The following MOB1B variants were observed in gnomAD, a reference collection of about 807,000 sequenced individuals.
MOB1B encodes MOB kinase activator 1B, also known as MOB1 Mps One Binder homolog B.
In MOB1B, 19 loss-of-function variants were observed where a neutral mutation model predicts 24.4. The observed-to-expected ratio is 0.78, with a 90% CI of 0.54 to 1.14. MOB1B has a LOEUF of 1.14. Among genes scored for constraint, MOB1B ranks in the 50% most tolerant of loss-of-function variants. The pLI is 0.00. For synonymous variants in MOB1B, 76 were observed against 82.1 expected (o/e 0.93, Z 0.40); for missense variants, 243 against 259.6 (o/e 0.94, Z 0.44).
chr4:70,945,307 G>C (rs942028439), intron 1 of MOB1B, among the ~76,000 whole-genome samples: 4 of 152,192 alleles, frequency 2.6e-5, no homozygotes, highest in Non-Finnish European at 5.9e-5. Flanking sequence ...CAGAACAGAA[G>C]TCTTTAACCA....
chr4:70,970,172 G>T, intron 3 of MOB1B, 148 bp downstream of exon 3: 2 of 562,628 alleles, frequency 3.6e-6, no homozygotes, highest in Non-Finnish European at 6.2e-6. Context: ...CTTAGCTTGG[G>T]GTTTGTGACT....
At chr4:70,964,869 G>A (rs112957490) in intron 2 of MOB1B, among the ~76,000 whole-genome samples, 1,631 of 151,660 alleles carry the variant, frequency 0.011, 28 homozygotes, top group African/African-American at 0.038. Context: ...AGCAGAGCTT[G>A]TAGTGAGCTG....
At position 70,958,995 on chromosome 4, in the gene MOB1B, A is replaced by G. The variant is rs762987346; in HGVS notation, c.136A>G (p.Met46Val). The G allele has an allele frequency of 1.4e-5, 22 of 1,614,166 alleles. No homozygotes were observed. In the South Asian group the frequency reaches 2.2e-4, roughly 16 times the overall value. The change falls in exon 2 of 6, where the codon ATG becomes GTG. Residue 46 changes from methionine (M) to valine (V), a missense_variant. Met to Val is a conservative substitution (Grantham distance 21). Transcript: ENST00000309395. The part of the protein sequence containing the change: ...LGSGNLRMAV[M>V]LPEGEDLNEW... ...CAGTGGCAACCTTCGGATGGCTGTC[A>G]TGCTTCCTGAAGGGGAAGATCTCAA...
intron 1 of MOB1B, among the ~76,000 whole-genome samples, chr4:70,930,532 G>A (rs775879236): frequency 6.6e-6 from 1 of 152,138 alleles, no homozygotes; most frequent in Non-Finnish European, 1.5e-5. Flanking sequence ...TGGCATGCTT[G>A]TTATTTTTGA....
At chr4:70,979,812 A>G (rs545950419) in intron 5 of MOB1B, among the ~76,000 whole-genome samples, 3 of 152,332 alleles carry the variant, frequency 2.0e-5, no homozygotes, top group Admixed American at 6.5e-5. Context: ...CCAGAGGGCC[A>G]TTAGTCTTTG....
At chr4:70,917,163 G>C (rs1736228050) in intron 1 of MOB1B, among the ~76,000 whole-genome samples, 1 of 152,086 alleles carries the variant, frequency 6.6e-6, no homozygotes, top group Non-Finnish European at 1.5e-5. Flanking sequence ...CCATGATATG[G>C]GTTAAGAGTA....
At chr4:70,942,997 T>A (rs868051254) in intron 1 of MOB1B, 1 of 170,266 alleles carries the variant, frequency 5.9e-6, no homozygotes, top group Non-Finnish European at 1.2e-5. Context: ...GCTAAGTTAT[T>A]TTTATTTTAT....
intron 1 of MOB1B, among the ~76,000 whole-genome samples, chr4:70,922,980 T>G (rs1302619599): frequency 2.0e-5 from 3 of 152,096 alleles, no homozygotes; most frequent in Non-Finnish European, 4.4e-5. Flanking sequence ...AACCAAAATT[T>G]TGGGTAAAGC....
At chr4:70,923,025 C>T (rs1015436274) in intron 1 of MOB1B, among the ~76,000 whole-genome samples, 30 of 152,278 alleles carry the variant, frequency 2.0e-4, no homozygotes, top group African/African-American at 6.7e-4. Flanking sequence ...AAAGGCCAAA[C>T]CTCCCCAGAC....
chr4:70,910,116 C>T (rs1319811804), intron 1 of MOB1B, among the ~76,000 whole-genome samples: 1 of 151,926 alleles, frequency 6.6e-6, no homozygotes, highest in African/African-American at 2.4e-5. Flanking sequence ...TCTTGGCTCA[C>T]TGCAAACTCT....
intron 2 of MOB1B, among the ~76,000 whole-genome samples, chr4:70,969,062 C>T (rs1299589894): frequency 6.6e-6 from 1 of 152,186 alleles, no homozygotes; most frequent in African/African-American, 2.4e-5. Flanking sequence ...CTGTAACTGC[C>T]TAGGTCTCTC....
At chr4:70,971,400 G>T (rs933130729) in intron 3 of MOB1B, among the ~76,000 whole-genome samples, 6 of 151,756 alleles carry the variant, frequency 4.0e-5, no homozygotes, top group African/African-American at 1.5e-4. Context: ...AGCCACTCAG[G>T]CAGGAGAATC....
chr4:70,970,121 G>A (rs1015071409), intron 3 of MOB1B, 97 bp downstream of exon 3: 8 of 681,120 alleles, frequency 1.2e-5, no homozygotes, highest in Admixed American at 2.9e-5. Flanking sequence ...TCTACTTATC[G>A]TCTCTTTCTG....
At chr4:70,978,838 C>T (rs1034333547) in intron 4 of MOB1B, among the ~76,000 whole-genome samples, 4 of 152,068 alleles carry the variant, frequency 2.6e-5, no homozygotes, top group Non-Finnish European at 4.4e-5. Flanking sequence ...AGCTCCACTA[C>T]CATCTTGGGT....
chr4:70,902,627 C>T, intron 1 of MOB1B, 77 bp downstream of exon 1: 2 of 1,416,234 alleles, frequency 1.4e-6, no homozygotes, highest in Non-Finnish European at 1.9e-6. Flanking sequence ...CCGCCCGTCG[C>T]CCGCCCTCGT....
intron 1 of MOB1B, among the ~76,000 whole-genome samples, chr4:70,957,215 G>A (rs759174301): frequency 2.2e-5 from 3 of 139,264 alleles, no homozygotes; most frequent in Non-Finnish European, 3.0e-5. Flanking sequence ...AGCTGAGATC[G>A]TGCCTCTGCA....
chr4:70,902,386 C>T lies in MOB1B; in HGVS notation c.-151C>T. ...CCCCTGCCATTGGAACTAGCTGAGC[C>T]GAACTAGTTGCGGCCACCGAGCAGC... On this transcript the variant is annotated 5_prime_UTR_variant, in exon 1 of 6. Transcript: ENST00000309395. The T allele has an allele frequency of 3.9e-6, 3 of 765,392 alleles. No individual in the cohort carries two copies. The allele number at this position is 765,392 out of a possible 1,614,324, so 47.4% of individuals were successfully genotyped here.
intron 1 of MOB1B, among the ~76,000 whole-genome samples, chr4:70,936,407 C>G (rs1184163878): frequency 6.6e-6 from 1 of 152,142 alleles, no homozygotes; most frequent in African/African-American, 2.4e-5. Flanking sequence ...GTAAAACTTT[C>G]AGCAAAACAC....
intron 3 of MOB1B, among the ~76,000 whole-genome samples, chr4:70,971,764 A>G (rs906256742): frequency 6.6e-6 from 1 of 152,190 alleles, no homozygotes; most frequent in African/African-American, 2.4e-5. Context: ...GAAATTAAAT[A>G]GCACTGCCTT....
Sources: gnomAD v4.1 joint callset for allele counts (sites outside exome capture counted in the v4.1 genomes callset) on GRCh38, gnomAD v4.1.1 for gene constraint, MANE v1.5 for transcripts, NCBI Gene and HGNC (gene_info 2026-07-23, HGNC 2026-07-21) for gene names.